GPATCH8: variants seen among roughly 807,000 people sequenced by gnomAD.
The protein encoded by GPATCH8 is G-patch domain containing 8.
In GPATCH8, 18 loss-of-function variants were observed where a neutral mutation model predicts 118.3. The ratio of observed to expected loss-of-function variants is 0.15; its 90% CI spans 0.11 to 0.23. The LOEUF (loss-of-function observed/expected upper bound fraction) is 0.23. Ranked by LOEUF, GPATCH8 falls within the 10% of genes least tolerant of loss-of-function variation. The probability of loss-of-function intolerance (pLI) is 1.00; values close to 1 mark genes in which losing one functional copy is unlikely to be tolerated. For missense variants in GPATCH8, 1,631 were observed against 1,873.8 expected (o/e 0.87, Z 2.39); for synonymous variants, 659 against 684.7 (o/e 0.96, Z 0.59).
intron 6 of GPATCH8, among the ~76,000 whole-genome samples, chr17:44,414,448 C>T (rs2049601148): frequency 6.6e-6 from 1 of 152,008 alleles, no homozygotes; most frequent in African/African-American, 2.4e-5. Context: ...GCAGGGACTA[C>T]AGATGCACTC....
At chr17:44,470,386 T>C (rs186042076) in intron 2 of GPATCH8, among the ~76,000 whole-genome samples, 1 of 151,872 alleles carries the variant, frequency 6.6e-6, no homozygotes, top group Admixed American at 6.6e-5. Context: ...TTAGTAGACA[T>C]GGGGTTTCAC....
intron 3 of GPATCH8, among the ~76,000 whole-genome samples, chr17:44,457,701 AG>A (rs2051385967): frequency 6.6e-6 from 1 of 152,206 alleles, no homozygotes. Flanking sequence ...TGGGAGTCCA[AG>A]GTGGGAGGAT....
In GPATCH8 at chr17:44,444,254, T is replaced by TAA. The variant is rs11373151; in HGVS notation, c.194-7711_194-7710dup. Among the ~76,000 whole-genome samples, 447 of 145,282 alleles carry TAA rather than the reference T, an allele frequency of 3.1e-3. 3 individuals are homozygous for TAA. The highest frequency in any genetic ancestry group is 0.023 in the East Asian group (116 of 5,056). On this transcript the variant is annotated intron_variant, in intron 3 of 7. Transcript: ENST00000591680. ...AGAGAATTCATGAGTTACTTTCAAT[T>TAA]AAAAAAAAAAAACCTAAAGAAAATC...
chr17:44,492,944 T>C (rs960024774), intron 1 of GPATCH8, among the ~76,000 whole-genome samples: 1 of 151,976 alleles, frequency 6.6e-6, no homozygotes, highest in African/African-American at 2.4e-5. Context: ...GAAAATGGAA[T>C]GGGATTATCT....
chr17:44,440,393 C>T (rs920435931), intron 3 of GPATCH8, among the ~76,000 whole-genome samples: 2 of 152,122 alleles, frequency 1.3e-5, no homozygotes, highest in Non-Finnish European at 2.9e-5. Flanking sequence ...TAAATCAAAA[C>T]CTTAAATAAT....
In GPATCH8 at chr17:44,399,072, C is replaced by A. The variant is rs780418516; in HGVS notation, c.3005G>T (p.Arg1002Ile). ...RSRSTRSPSQ[R>I]SGSRKRSWGH... ...CCATGATCTCTTCCTGGAGCCTGAT[C>A]TCTGGGAAGGGCTCCTGGTGCTGCG... is the stretch of plus-strand genomic sequence containing the variant. The change falls in exon 8 of 8, where the codon AGA (arginine) becomes ATA (isoleucine). Residue 1002 changes from arginine to isoleucine, a missense_variant. Arg to Ile is a moderately conservative substitution (Grantham distance 97). This residue lies in a region of GPATCH8 where 922 missense variants were observed against 879.7 expected (regional missense o/e 1.05). Transcript: ENST00000591680. 1 of 1,614,120 alleles carries A rather than the reference C, an allele frequency of 6.2e-7. No homozygotes were observed. The highest frequency in any genetic ancestry group is 8.5e-7 in the Non-Finnish European group (1 of 1,180,020).
At chr17:44,406,361 C>T (rs553757501) in intron 6 of GPATCH8, among the ~76,000 whole-genome samples, 4 of 151,794 alleles carry the variant, frequency 2.6e-5, no homozygotes. Flanking sequence ...TCACCTGCTC[C>T]TCCAGGATGC....
intron 5 of GPATCH8, among the ~76,000 whole-genome samples, chr17:44,434,213 G>C (rs1221843393): frequency 6.6e-6 from 1 of 151,596 alleles, no homozygotes; most frequent in Non-Finnish European, 1.5e-5. Context: ...AGAAGTGTTT[G>C]GTGGCCTTGA....
intron 5 of GPATCH8, among the ~76,000 whole-genome samples, chr17:44,428,840 T>C (rs573908351): frequency 9.3e-5 from 14 of 149,958 alleles, no homozygotes; most frequent in African/African-American, 2.7e-4. Flanking sequence ...ACAGTACTCA[T>C]AGAATATTTA....
intron 6 of GPATCH8, among the ~76,000 whole-genome samples, chr17:44,412,173 T>C (rs1362842438): frequency 1.3e-5 from 2 of 152,166 alleles, no homozygotes; most frequent in Non-Finnish European, 2.9e-5. Context: ...TCTGCCCACC[T>C]TGGCCTCCCA....
intron 6 of GPATCH8, among the ~76,000 whole-genome samples, chr17:44,411,516 A>G (rs1203448626): frequency 6.6e-6 from 1 of 152,228 alleles, no homozygotes; most frequent in Non-Finnish European, 1.5e-5. Context: ...CTACATTTAA[A>G]TAAAACCCAT....
chr17:44,474,213 T>G (rs909456507), intron 2 of GPATCH8, among the ~76,000 whole-genome samples: 1 of 152,220 alleles, frequency 6.6e-6, no homozygotes, highest in African/African-American at 2.4e-5. Flanking sequence ...AAGAAGTTTT[T>G]TTAAAACTAA....
chr17:44,417,054 G>A (rs552742359), intron 6 of GPATCH8, among the ~76,000 whole-genome samples: 2 of 151,846 alleles, frequency 1.3e-5, no homozygotes, highest in East Asian at 3.9e-4. Flanking sequence ...TTGAGACAGG[G>A]CCTTGCTCAA....
intron 1 of GPATCH8, chr17:44,486,440 T>C (rs892591216): frequency 6.6e-6 from 1 of 152,232 alleles, no homozygotes; most frequent in African/African-American, 2.4e-5. Context: ...AATGCTTTTC[T>C]TGAGACATTT....
chr17:44,430,682 G>A (rs1254485764), intron 5 of GPATCH8, among the ~76,000 whole-genome samples: 4 of 151,588 alleles, frequency 2.6e-5, no homozygotes, highest in African/African-American at 7.3e-5. Context: ...TCTGTCTGTC[G>A]CCCAGGCTGG....
intron 3 of GPATCH8, among the ~76,000 whole-genome samples, chr17:44,448,100 AG>A (rs1490982703): frequency 6.6e-6 from 1 of 152,082 alleles, no homozygotes; most frequent in East Asian, 1.9e-4. Context: ...CCCACTACCA[AG>A]CCCGGCTAAT....
At position 44,466,854 on chromosome 17, in the gene GPATCH8, CTA is replaced by C. The variant is rs146196350; in HGVS notation, c.121-2312_121-2311del. On this transcript the variant is annotated intron_variant, in intron 2 of 7. Coordinates refer to ENST00000591680, the MANE Select transcript of GPATCH8 (RefSeq NM_001002909.4). ...GTTTAATCTCTTAACAGACTCATAA[CTA>C]TATTTGGCACCAAGATTTAGGCATT... Among the ~76,000 whole-genome samples, 73 of 152,140 alleles carry C rather than the reference CTA, an allele frequency of 4.8e-4. 1 individual carries two copies. In the East Asian group the frequency reaches 0.012, roughly 25 times the overall value.
chr17:44,417,465 C>T (rs868225974), intron 6 of GPATCH8, among the ~76,000 whole-genome samples: 1 of 152,214 alleles, frequency 6.6e-6, no homozygotes, highest in Non-Finnish European at 1.5e-5. Flanking sequence ...GTGATCTGCC[C>T]GCCTGAGTCT....
rs1567955879 is a variant in GPATCH8, at chr17:44,414,147, A to ATATATATGTGTATATATATATATGTG, written c.493-8097_493-8096insCACATATATATATATACACATATATA. Among the ~76,000 whole-genome samples, 8 of 23,768 alleles carry ATATATATGTGTATATATATATATGTG rather than the reference A, an allele frequency of 3.4e-4. 1 individual carries two copies. The highest frequency in any genetic ancestry group is 9.1e-4 in the Non-Finnish European group (7 of 7,692). 15.6% of individuals were successfully genotyped at this position (23,768 alleles called of 152,430 possible). The stretch of plus-strand genomic sequence containing the variant: ...TATATGTGTATATATATATATGTGT[A>ATATATATGTGTATATATATATATGTG]TATATATATGTGTATATATATATAT... On this transcript the variant is annotated intron_variant, in intron 6 of 7. Transcript: ENST00000591680.
Sources: allele counts gnomAD v4.1 joint callset (sites outside exome capture counted in the v4.1 genomes callset), GRCh38; gene constraint gnomAD v4.1.1; regional missense constraint gnomAD v4.1.1; transcripts MANE v1.5; gene names NCBI Gene and HGNC (gene_info 2026-07-23, HGNC 2026-07-21).